The following NRG3 variants were observed in gnomAD, a reference collection of about 807,000 sequenced individuals.
NRG3 encodes neuregulin 3.
Under a neutral mutation model 66.9 loss-of-function variants are expected in NRG3, and 31 were observed. The observed-to-expected ratio is 0.46, with a 90% CI of 0.35 to 0.63. The LOEUF (loss-of-function observed/expected upper bound fraction) is 0.63, where lower values mean the gene tolerates loss of function less well. NRG3 is among the 20% of genes least tolerant of loss of function. The probability of loss-of-function intolerance (pLI) is 0.00; values close to 1 mark genes in which losing one functional copy is unlikely to be tolerated. For synonymous variants in NRG3, 393 were observed against 359.4 expected (o/e 1.09, Z -1.06); for missense variants, 910 against 878.9 (o/e 1.04, Z -0.45).
intron 1 of NRG3, among the ~76,000 whole-genome samples, chr10:82,000,493 G>A: frequency 6.6e-6 from 1 of 152,228 alleles, no homozygotes; most frequent in South Asian, 2.1e-4. Flanking sequence ...TCCAAGACTG[G>A]AAGCAGGGTC....
chr10:82,391,994 A>G (rs2086398352), intron 2 of NRG3, among the ~76,000 whole-genome samples: 1 of 95,142 alleles, frequency 1.1e-5, no homozygotes, highest in Non-Finnish European at 2.1e-5. Flanking sequence ...GAGCACATGC[A>G]AAAAAAAAAA....
At chr10:82,901,492 C>T (rs1277129140) in intron 4 of NRG3, among the ~76,000 whole-genome samples, 1 of 152,156 alleles carries the variant, frequency 6.6e-6, no homozygotes, top group Non-Finnish European at 1.5e-5. Flanking sequence ...CTTTCCTACA[C>T]AAATGCCCAG....
chr10:82,441,663 G>C lies in NRG3; in HGVS notation c.953+82795G>C, dbSNP rs182355040. 6.6e-5 allele frequency among the ~76,000 whole-genome samples: 10 copies of C among 152,218 alleles called. No individual in the cohort carries two copies. The East Asian group carries it at 7.7e-4, about 12-fold the overall frequency. On this transcript the variant is annotated intron_variant, in intron 2 of 8. Transcript: ENST00000372141. ...GGATCCCCGCAAATCTTTAAGAAGA[G>C]GGACAAAATTGGTTCCTAGATGGGG...
chr10:82,886,430 TA>T (rs1188895697), intron 4 of NRG3, among the ~76,000 whole-genome samples: 1 of 152,218 alleles, frequency 6.6e-6, no homozygotes, highest in Non-Finnish European at 1.5e-5. Context: ...AGCCTTTTTA[TA>T]AAGTTCAGAT....
intron 4 of NRG3, among the ~76,000 whole-genome samples, chr10:82,888,184 T>C (rs1297908018): frequency 6.6e-6 from 1 of 152,232 alleles, no homozygotes; most frequent in Non-Finnish European, 1.5e-5. Context: ...AAATCGAACC[T>C]GGAGACAAAT....
chr10:82,183,307 A>G (rs1455044104), intron 1 of NRG3, among the ~76,000 whole-genome samples: 1 of 151,752 alleles, frequency 6.6e-6, no homozygotes, highest in African/African-American at 2.4e-5. Context: ...TCCATAAGTC[A>G]CTTGGGCTTT....
At chr10:82,500,262 A>G (rs572030545) in intron 2 of NRG3, among the ~76,000 whole-genome samples, 1 of 152,118 alleles carries the variant, frequency 6.6e-6, no homozygotes, top group African/African-American at 2.4e-5. Flanking sequence ...GGAACATTTA[A>G]TGATTACTGG....
chr10:82,339,001 A>G (rs2082537844), intron 1 of NRG3, among the ~76,000 whole-genome samples: 1 of 152,202 alleles, frequency 6.6e-6, no homozygotes, highest in South Asian at 2.1e-4. Flanking sequence ...CACTGCCATG[A>G]AGAAGATGAA....
At chr10:82,080,696 C>CT (rs959528446) in intron 1 of NRG3, among the ~76,000 whole-genome samples, 6 of 151,894 alleles carry the variant, frequency 4.0e-5, no homozygotes, top group Admixed American at 2.0e-4. Context: ...TTTTCTTTTT[C>CT]TTTTTTTTGT....
intron 4 of NRG3, among the ~76,000 whole-genome samples, chr10:82,869,625 T>TATTTTATTTTTA (rs1564585678): frequency 1.4e-5 from 2 of 146,536 alleles, no homozygotes; most frequent in Admixed American, 6.9e-5. Flanking sequence ...TATTTTATTT[T>TATTTTATTTTTA]GAGACAGAGT....
chr10:81,878,467 G>A (rs1210876801), intron 1 of NRG3, among the ~76,000 whole-genome samples: 1 of 152,142 alleles, frequency 6.6e-6, no homozygotes, highest in Non-Finnish European at 1.5e-5. Context: ...TGAAGAAAGA[G>A]GATAGTTTAG....
intron 3 of NRG3, among the ~76,000 whole-genome samples, chr10:82,742,428 C>T (rs2134806179): frequency 6.6e-6 from 1 of 152,170 alleles, no homozygotes; most frequent in African/African-American, 2.4e-5. Context: ...TAACTCCATT[C>T]AGGAACATAT....
At chr10:81,902,272 A>G (rs527541884) in intron 1 of NRG3, among the ~76,000 whole-genome samples, 7 of 152,082 alleles carry the variant, frequency 4.6e-5, no homozygotes, top group Non-Finnish European at 8.8e-5. Context: ...GGTAATGGAC[A>G]AGAGTTGGGA....
chr10:82,274,065 C>A (rs185898621), intron 1 of NRG3, among the ~76,000 whole-genome samples: 1 of 151,884 alleles, frequency 6.6e-6, no homozygotes, highest in Non-Finnish European at 1.5e-5. Context: ...CCACCTCCTA[C>A]GATGATTATG....
intron 1 of NRG3, among the ~76,000 whole-genome samples, chr10:82,152,715 AT>A (rs66817232): frequency 0.98 from 149,187 of 152,006 alleles, 73,232 homozygotes; most frequent in East Asian, 1. Context: ...TATATGGAAA[AT>A]GCCATATATT....
chr10:82,106,899 A>G (rs2067102030), intron 1 of NRG3, among the ~76,000 whole-genome samples: 1 of 152,166 alleles, frequency 6.6e-6, no homozygotes, highest in South Asian at 2.1e-4. Context: ...AAATGAAAAC[A>G]ATCTTTGCCC....
chr10:82,115,799 A>G (rs1264734846), intron 1 of NRG3, among the ~76,000 whole-genome samples: 5 of 152,116 alleles, frequency 3.3e-5, no homozygotes. Flanking sequence ...GTGGACTAGC[A>G]CTAAGTACTG....
intron 2 of NRG3, among the ~76,000 whole-genome samples, chr10:82,461,775 ACT>A (rs1336317214): frequency 6.6e-6 from 1 of 152,178 alleles, no homozygotes; most frequent in Non-Finnish European, 1.5e-5. Flanking sequence ...AGCTTTATAG[ACT>A]CTGAAGCAGT....
At chr10:81,922,470 A>T (rs1011212057) in intron 1 of NRG3, among the ~76,000 whole-genome samples, 1 of 152,160 alleles carries the variant, frequency 6.6e-6, no homozygotes. Flanking sequence ...GCATATGTAC[A>T]TATTATTTAG....
Sources: allele counts gnomAD v4.1 joint callset (sites outside exome capture counted in the v4.1 genomes callset), GRCh38; gene constraint gnomAD v4.1.1; transcripts MANE v1.5; gene names NCBI Gene and HGNC (gene_info 2026-07-23, HGNC 2026-07-21).